The following ZNF385B variants were observed in gnomAD, a reference collection of about 807,000 sequenced individuals.
The protein encoded by ZNF385B is zinc finger protein 533.
ZNF385B carries 23 observed loss-of-function variants against 39.2 expected under a neutral mutation model. The ratio of observed to expected loss-of-function variants is 0.59; its 90% CI spans 0.42 to 0.83. The LOEUF (loss-of-function observed/expected upper bound fraction) is 0.83, where lower values mean the gene tolerates loss of function less well. Among genes scored for constraint, ZNF385B ranks in the 40% least tolerant of loss-of-function variants. The pLI is 0.00. For synonymous variants in ZNF385B, 205 were observed against 222.6 expected (o/e 0.92, Z 0.70); for missense variants, 552 against 598.9 (o/e 0.92, Z 0.82).
At chr2:179,739,039 CA>C (rs1236270126) in intron 3 of ZNF385B, among the ~76,000 whole-genome samples, 2 of 152,138 alleles carry the variant, frequency 1.3e-5, no homozygotes, top group African/African-American at 4.8e-5. Flanking sequence ...TGGATTCCAC[CA>C]CCACTGCAAA....
intron 4 of ZNF385B, among the ~76,000 whole-genome samples, chr2:179,533,869 T>A (rs1259676204): frequency 6.6e-6 from 1 of 152,244 alleles, no homozygotes; most frequent in Non-Finnish European, 1.5e-5. Flanking sequence ...CTTACTACTC[T>A]ATGACAATGT....
chr2:179,553,936 C>T (rs1449106118), intron 3 of ZNF385B, among the ~76,000 whole-genome samples: 2 of 148,902 alleles, frequency 1.3e-5, no homozygotes, highest in African/African-American at 5.1e-5. Flanking sequence ...ACTCAGCAGA[C>T]AGATATGTTA....
chr2:179,777,330 C>A (rs948867776), intron 1 of ZNF385B, among the ~76,000 whole-genome samples: 6 of 151,980 alleles, frequency 3.9e-5, no homozygotes, highest in Non-Finnish European at 8.8e-5. Flanking sequence ...TTTCTTCTTA[C>A]AAACATAAAA....
At chr2:179,723,492 C>T (rs999633586) in intron 3 of ZNF385B, among the ~76,000 whole-genome samples, 5 of 151,830 alleles carry the variant, frequency 3.3e-5, no homozygotes, top group Non-Finnish European at 5.9e-5. Context: ...CGGTTTTTGC[C>T]GTACTAAATA....
intron 6 of ZNF385B, among the ~76,000 whole-genome samples, chr2:179,449,215 C>G (rs947868319): frequency 2.6e-5 from 4 of 151,960 alleles, no homozygotes; most frequent in African/African-American, 9.7e-5. Flanking sequence ...TGGTAAGAGG[C>G]GTGAGAGCAT....
chr2:179,718,370 C>A (rs1700464728), intron 3 of ZNF385B, among the ~76,000 whole-genome samples: 1 of 147,508 alleles, frequency 6.8e-6, no homozygotes. Context: ...ATCTTTTTAT[C>A]TTATATATTA....
chr2:179,827,851 C>T (rs1707765788), intron 1 of ZNF385B, among the ~76,000 whole-genome samples: 1 of 152,190 alleles, frequency 6.6e-6, no homozygotes, highest in South Asian at 2.1e-4. Context: ...CCCCAGATGC[C>T]TTCTCATGCC....
intron 1 of ZNF385B, among the ~76,000 whole-genome samples, chr2:179,812,114 G>A (rs1218769897): frequency 3.9e-5 from 6 of 151,994 alleles, no homozygotes; most frequent in Admixed American, 6.6e-5. Context: ...CAATCAGAAC[G>A]GCTATTATTA....
intron 5 of ZNF385B, among the ~76,000 whole-genome samples, chr2:179,514,819 C>T (rs1177370462): frequency 1.4e-5 from 2 of 147,294 alleles, no homozygotes; most frequent in African/African-American, 5.0e-5. Context: ...GTTCTTATTG[C>T]TCAGGCTGGA....
At chr2:179,729,148 C>A (rs76008410) in intron 3 of ZNF385B, among the ~76,000 whole-genome samples, 17,378 of 128,640 alleles carry the variant, frequency 0.14, 1,570 homozygotes, top group East Asian at 0.53. Context: ...AAAAAAAAAA[C>A]CAAGGAAATT....
intron 3 of ZNF385B, among the ~76,000 whole-genome samples, chr2:179,708,905 G>A (rs1699805678): frequency 6.6e-6 from 1 of 152,190 alleles, no homozygotes; most frequent in African/African-American, 2.4e-5. Flanking sequence ...AGCCTGATGG[G>A]ACATGGAGAA....
intron 8 of ZNF385B, 103 bp downstream of exon 8, chr2:179,445,447 T>C: frequency 7.0e-6 from 8 of 1,146,988 alleles, no homozygotes; most frequent in Non-Finnish European, 9.8e-6. Context: ...CAAAAGTTAG[T>C]CAACTTAACT....
intron 3 of ZNF385B, among the ~76,000 whole-genome samples, chr2:179,750,926 A>G (rs1023424198): frequency 2.0e-5 from 3 of 152,250 alleles, no homozygotes; most frequent in African/African-American, 7.2e-5. Flanking sequence ...GAAAGCAAGC[A>G]TTTAAAACTA....
intron 1 of ZNF385B, among the ~76,000 whole-genome samples, chr2:179,811,375 T>A (rs1706721098): frequency 6.6e-6 from 1 of 151,918 alleles, no homozygotes; most frequent in Non-Finnish European, 1.5e-5. Context: ...AAGAACAAAG[T>A]CATAGATATT....
At chr2:179,832,961 GTTAAT>G (rs1708060598) in intron 1 of ZNF385B, among the ~76,000 whole-genome samples, 1 of 151,970 alleles carries the variant, frequency 6.6e-6, no homozygotes, top group South Asian at 2.1e-4. Flanking sequence ...ATTTTTCAAG[GTTAAT>G]TTATAGCTTC....
At chr2:179,751,192 T>A (rs1034945635) in intron 3 of ZNF385B, among the ~76,000 whole-genome samples, 2 of 139,484 alleles carry the variant, frequency 1.4e-5, no homozygotes, top group South Asian at 2.8e-4. Flanking sequence ...CCCTACAGAT[T>A]CTGCCTACTG....
At chr2:179,797,045 T>G (rs367662296) in intron 1 of ZNF385B, among the ~76,000 whole-genome samples, 4 of 152,126 alleles carry the variant, frequency 2.6e-5, no homozygotes, top group African/African-American at 9.7e-5. Context: ...ATGAATGTAC[T>G]TTTGGGAATG....
chr2:179,564,409 T>C (rs1342864080), intron 3 of ZNF385B, among the ~76,000 whole-genome samples: 1 of 152,136 alleles, frequency 6.6e-6, no homozygotes, highest in African/African-American at 2.4e-5. Context: ...ATCTCTTACC[T>C]AGCTAAGTCA....
intron 5 of ZNF385B, among the ~76,000 whole-genome samples, chr2:179,493,773 A>ATATACATATATGTATACATATG (rs1553572737): frequency 0.2 from 14,349 of 73,404 alleles, 2,713 homozygotes; most frequent in Admixed American, 0.34. Flanking sequence ...GTATACATAT[A>ATATACATATATGTATACATATG]TGTATATACA....
Sources: allele counts gnomAD v4.1 joint callset (sites outside exome capture counted in the v4.1 genomes callset), GRCh38; gene constraint gnomAD v4.1.1; transcripts MANE v1.5; gene names NCBI Gene and HGNC (gene_info 2026-07-23, HGNC 2026-07-21).